The following CSMD3 variants were observed in gnomAD, a reference collection of about 807,000 sequenced individuals.
CSMD3 encodes CUB and sushi domain-containing protein 3.
A neutral mutation model predicts 435.2 loss-of-function variants in CSMD3; 177 were observed. The ratio of observed to expected loss-of-function variants is 0.41; its 90% CI spans 0.36 to 0.46. The LOEUF (loss-of-function observed/expected upper bound fraction) is 0.46, where lower values mean the gene tolerates loss of function less well. Ranked by LOEUF, CSMD3 falls within the 20% of genes least tolerant of loss-of-function variation. The pLI, the probability that CSMD3 is intolerant of heterozygous loss-of-function variation, is 0.34. For synonymous variants in CSMD3, 1,656 were observed against 1,520.5 expected (o/e 1.09, Z -2.07); for missense variants, 4,265 against 4,504.6 (o/e 0.95, Z 1.52).
intron 32 of CSMD3, among the ~76,000 whole-genome samples, chr8:112,424,423 C>A (rs1812839543): frequency 6.6e-6 from 1 of 152,114 alleles, no homozygotes. Context: ...GCACATGTGA[C>A]TTACTTTGTA....
chr8:112,832,945 C>A (rs2079918949), intron 11 of CSMD3, among the ~76,000 whole-genome samples: 1 of 152,070 alleles, frequency 6.6e-6, no homozygotes, highest in Non-Finnish European at 1.5e-5. Flanking sequence ...GATCAGCAAA[C>A]CCTAAACATA....
chr8:112,449,495 GAC>G (rs1177514056), intron 32 of CSMD3, among the ~76,000 whole-genome samples: 3 of 152,118 alleles, frequency 2.0e-5, no homozygotes, highest in Non-Finnish European at 4.4e-5. Context: ...TGAGTGCAGA[GAC>G]AGAGAATATG....
intron 4 of CSMD3, among the ~76,000 whole-genome samples, chr8:113,154,002 T>G (rs1321137451): frequency 6.6e-6 from 1 of 151,948 alleles, no homozygotes; most frequent in Non-Finnish European, 1.5e-5. Flanking sequence ...AAAATAAGAT[T>G]AACTACATCC....
chr8:113,375,309 T>C (rs1302253121), intron 1 of CSMD3, among the ~76,000 whole-genome samples: 1 of 152,162 alleles, frequency 6.6e-6, no homozygotes, highest in Non-Finnish European at 1.5e-5. Flanking sequence ...TCCATATTGC[T>C]ATCAGTCAGT....
intron 1 of CSMD3, chr8:113,376,877 T>G (rs980730671): frequency 6.5e-5 from 105 of 1,608,646 alleles, no homozygotes; most frequent in African/African-American, 1.7e-4. Context: ...ATCTGGAAGA[T>G]GAAGCTTCCT....
intron 22 of CSMD3, among the ~76,000 whole-genome samples, chr8:112,617,660 C>G (rs1218297730): frequency 6.6e-6 from 1 of 152,122 alleles, no homozygotes; most frequent in African/African-American, 2.4e-5. Flanking sequence ...GGTTAACTAT[C>G]TTTTGTCTGT....
chr8:112,248,827 A>T (rs1815001582), intron 63 of CSMD3, among the ~76,000 whole-genome samples: 1 of 152,026 alleles, frequency 6.6e-6, no homozygotes, highest in Admixed American at 6.6e-5. Flanking sequence ...ATGTTATCTC[A>T]TGCTGTGTCT....
intron 22 of CSMD3, among the ~76,000 whole-genome samples, chr8:112,598,398 G>C (rs1488945673): frequency 1.3e-5 from 2 of 150,804 alleles, no homozygotes; most frequent in Non-Finnish European, 2.9e-5. Context: ...AACATTCCAT[G>C]CTCATGGATA....
At chr8:113,115,257 C>G (rs570807731) in intron 4 of CSMD3, among the ~76,000 whole-genome samples, 5 of 152,276 alleles carry the variant, frequency 3.3e-5, no homozygotes, top group Non-Finnish European at 5.9e-5. Flanking sequence ...CATTAGCTGA[C>G]TAGGAGAATA....
At position 112,249,894 on chromosome 8, in the gene CSMD3, G is replaced by T. The variant is rs538514767; in HGVS notation, c.10111-2763C>A. 5.7e-4 allele frequency among the ~76,000 whole-genome samples: 87 copies of T among 152,154 alleles called. 1 individual carries two copies. The highest frequency in any genetic ancestry group is 2.1e-3 in the African/African-American group (86 of 41,540). ...GAAATTAGAAAAACCATCTCTGTTA[G>T]AAATGTTAGCCTTTCTAGGCCGGAG... On this transcript the variant is annotated intron_variant, in intron 63 of 70. Transcript: ENST00000297405.
chr8:112,703,839 A>G (rs946419462), intron 13 of CSMD3, among the ~76,000 whole-genome samples: 22 of 152,138 alleles, frequency 1.4e-4, no homozygotes, highest in African/African-American at 4.8e-4. Context: ...GTCAATATTT[A>G]GAGAGGTTTT....
At chr8:112,469,740 A>G (rs975506713) in intron 32 of CSMD3, among the ~76,000 whole-genome samples, 5 of 152,312 alleles carry the variant, frequency 3.3e-5, no homozygotes, top group African/African-American at 1.2e-4. Flanking sequence ...TGTGCGGCCC[A>G]GTTCCTAACA....
rs1205090674 is a variant in CSMD3 at position 112,335,375 on chromosome 8, G to T, written c.7119C>A (p.Phe2373Leu). ...AGCCACTTGTTGTGAAATCACTGTG[G>T]AATTTGATTAGAATCTGATTTGAAG... ...YSTSNQILIKFHSDFTTSGFF... is the reference protein window; with the variant it reads ...YSTSNQILIKLHSDFTTSGFF... Residue 2373 changes from phenylalanine to leucine, a missense_variant, in exon 45 of 71, where the codon TTC becomes TTA. Phe to Leu is a conservative substitution (Grantham distance 22). Around this residue, in one of 3 missense-constraint regions of CSMD3, gnomAD observed 3,255 missense variants for 3,380.2 expected, o/e 0.96. Coordinates refer to ENST00000297405, the MANE Select transcript of CSMD3 (RefSeq NM_198123.2). 1.2e-6 allele frequency: 2 copies of T among 1,613,924 alleles called. No homozygotes were observed. The highest frequency in any genetic ancestry group is 1.7e-6 in the Non-Finnish European group (2 of 1,179,908).
At chr8:113,028,169 T>G (rs1390318803) in intron 5 of CSMD3, among the ~76,000 whole-genome samples, 1 of 152,136 alleles carries the variant, frequency 6.6e-6, no homozygotes, top group Non-Finnish European at 1.5e-5. Flanking sequence ...AAAATTTTCA[T>G]TATTATTTCT....
intron 10 of CSMD3, among the ~76,000 whole-genome samples, chr8:112,899,665 A>ACT (rs2082054924): frequency 1.1e-5 from 1 of 91,338 alleles, no homozygotes; most frequent in Admixed American, 9.3e-5. Flanking sequence ...AAATACATAC[A>ACT]CACACACACA....
rs921247863 is a variant in CSMD3, at chr8:113,127,019, C to G, written c.710-28056G>C. 2.0e-5 allele frequency among the ~76,000 whole-genome samples: 3 copies of G among 151,960 alleles called. No homozygotes were observed. In the East Asian group the frequency reaches 5.8e-4, roughly 29 times the overall value. ...GAATCATTTTCTCACTTTCCCACAC[C>G]AGGTGACAATTTCTACTTAGGTGTT... On this transcript the variant is annotated intron_variant, in intron 4 of 70. Transcript: ENST00000297405.
chr8:113,383,591 G>T (rs759389905), intron 1 of CSMD3, among the ~76,000 whole-genome samples: 9 of 152,114 alleles, frequency 5.9e-5, no homozygotes, highest in Non-Finnish European at 1.0e-4. Context: ...ACACAATGAG[G>T]TTCATTTTGA....
At chr8:113,050,817 C>T (rs1299638581) in intron 5 of CSMD3, among the ~76,000 whole-genome samples, 1 of 151,868 alleles carries the variant, frequency 6.6e-6, no homozygotes, top group Non-Finnish European at 1.5e-5. Context: ...TGAGCCAATC[C>T]AAACCTCATA....
chr8:112,315,075 G>A (rs1287188006), intron 47 of CSMD3, among the ~76,000 whole-genome samples: 1 of 151,720 alleles, frequency 6.6e-6, no homozygotes, highest in Non-Finnish European at 1.5e-5. Flanking sequence ...CTCTCTCAAA[G>A]TATTCATTTC....
Sources: allele counts gnomAD v4.1 joint callset (sites outside exome capture counted in the v4.1 genomes callset), GRCh38; gene constraint gnomAD v4.1.1; regional missense constraint gnomAD v4.1.1; transcripts MANE v1.5; gene names NCBI Gene and HGNC (gene_info 2026-07-23, HGNC 2026-07-21).